Variants in ARB2A observed in about 807,000 individuals in gnomAD.
ARB2A encodes the protein cotranscriptional regulator ARB2A.
chr5:93,658,127 T>A, the ARB2A span, among the ~76,000 whole-genome samples: 2 of 152,104 alleles, frequency 1.3e-5, no homozygotes, highest in African/African-American at 4.8e-5. Context: ...AACTGTACTA[T>A]CAGCTTGTCT....
At chr5:93,629,296 CA>C in the ARB2A span, among the ~76,000 whole-genome samples, 1 of 151,752 alleles carries the variant, frequency 6.6e-6, no homozygotes, top group Non-Finnish European at 1.5e-5. Flanking sequence ...ATATTAACAT[CA>C]AAGATCACAT....
the ARB2A span, among the ~76,000 whole-genome samples, chr5:93,928,560 C>T: frequency 6.6e-6 from 1 of 152,102 alleles, no homozygotes; most frequent in African/African-American, 2.4e-5. Flanking sequence ...CCTTTTTTAT[C>T]TAAGCACAGG....
At chr5:93,802,755 T>G in the ARB2A span, among the ~76,000 whole-genome samples, 1 of 152,080 alleles carries the variant, frequency 6.6e-6, no homozygotes, top group Non-Finnish European at 1.5e-5. Flanking sequence ...AGATAGGTAT[T>G]TTGGCCATTT....
the ARB2A span, among the ~76,000 whole-genome samples, chr5:93,764,866 C>T: frequency 1.3e-5 from 2 of 152,314 alleles, no homozygotes; most frequent in African/African-American, 4.8e-5. Context: ...GGGCTTCATT[C>T]CTGGGATGCA....
chr5:93,632,647 G>A, the ARB2A span, among the ~76,000 whole-genome samples: 1 of 152,140 alleles, frequency 6.6e-6, no homozygotes, highest in Non-Finnish European at 1.5e-5. Flanking sequence ...GAGTGAGAAG[G>A]ATGAATTTAA....
the ARB2A span, among the ~76,000 whole-genome samples, chr5:93,810,304 C>T: frequency 1.3e-5 from 2 of 151,646 alleles, no homozygotes; most frequent in Non-Finnish European, 2.9e-5. Flanking sequence ...TGCAACCTTC[C>T]ATAGATTCCT....
chr5:93,913,392 C>T, the ARB2A span, among the ~76,000 whole-genome samples: 19 of 151,956 alleles, frequency 1.3e-4, no homozygotes, highest in East Asian at 2.7e-3. Flanking sequence ...ATATAACCTC[C>T]TACTTCTCTA....
At chr5:93,965,449 T>A in the ARB2A span, among the ~76,000 whole-genome samples, 1 of 151,988 alleles carries the variant, frequency 6.6e-6, no homozygotes, top group Non-Finnish European at 1.5e-5. Flanking sequence ...CCAGTGAAAC[T>A]CATATGGGAC....
At chr5:93,974,724 T>C in the ARB2A span, among the ~76,000 whole-genome samples, 1,552 of 152,136 alleles carry the variant, frequency 0.01, 14 homozygotes, top group Non-Finnish European at 0.014. Context: ...GGTAAATTTT[T>C]TGAAAAAACT....
At chr5:94,008,269 T>A in the ARB2A span, among the ~76,000 whole-genome samples, 1 of 152,182 alleles carries the variant, frequency 6.6e-6, no homozygotes, top group Non-Finnish European at 1.5e-5. Context: ...AGGATTAACA[T>A]GTTTAAGAAT....
chr5:94,005,182 T>C, the ARB2A span, among the ~76,000 whole-genome samples: 1 of 151,928 alleles, frequency 6.6e-6, no homozygotes, highest in African/African-American at 2.4e-5. Flanking sequence ...GACTCAAATT[T>C]TTTGCCACTC....
the ARB2A span, among the ~76,000 whole-genome samples, chr5:94,011,688 G>A: frequency 6.6e-6 from 1 of 152,006 alleles, no homozygotes; most frequent in East Asian, 1.9e-4. Flanking sequence ...TGGTGTGGGT[G>A]GAGTAGAAAA....
At chr5:93,850,379 G>T in the ARB2A span, among the ~76,000 whole-genome samples, 3 of 152,158 alleles carry the variant, frequency 2.0e-5, no homozygotes, top group African/African-American at 4.8e-5. Context: ...GCTGTGAGAA[G>T]TCATAAGCTT....
At chr5:93,947,644 C>T in the ARB2A span, among the ~76,000 whole-genome samples, 7 of 145,694 alleles carry the variant, frequency 4.8e-5, no homozygotes, top group Admixed American at 2.7e-4. Context: ...TTAGGTATAT[C>T]TCCTAATGCT....
At chr5:93,830,299 A>ATGTGTGTGTGTG in the ARB2A span, among the ~76,000 whole-genome samples, 1 of 39,660 alleles carries the variant, frequency 2.5e-5, no homozygotes, top group Non-Finnish European at 4.4e-5. Flanking sequence ...ATGTATATAT[A>ATGTGTGTGTGTG]TGTGTGTGTG....
At chr5:93,811,807 A>G in the ARB2A span, among the ~76,000 whole-genome samples, 3 of 152,190 alleles carry the variant, frequency 2.0e-5, no homozygotes, top group Non-Finnish European at 4.4e-5. Flanking sequence ...GATGCTGATG[A>G]TCAGCATAAG....
chr5:93,639,124 G>A, the ARB2A span, among the ~76,000 whole-genome samples: 1 of 151,994 alleles, frequency 6.6e-6, no homozygotes, highest in Non-Finnish European at 1.5e-5. Context: ...CGTAAAACTG[G>A]CATCAAGGTA....
At chr5:93,984,798 T>C in the ARB2A span, among the ~76,000 whole-genome samples, 4 of 152,186 alleles carry the variant, frequency 2.6e-5, no homozygotes, top group Non-Finnish European at 4.4e-5. Flanking sequence ...GAATAATGAA[T>C]GAATGAAAAA....
the ARB2A span, among the ~76,000 whole-genome samples, chr5:93,703,756 T>C: frequency 6.6e-6 from 1 of 152,200 alleles, no homozygotes; most frequent in Non-Finnish European, 1.5e-5. Flanking sequence ...GCCATTTCTT[T>C]CTTCCACTTG....
Sources: allele counts gnomAD v4.1 joint callset (sites outside exome capture counted in the v4.1 genomes callset), GRCh38; gene constraint gnomAD v4.1.1; transcripts MANE v1.5; gene names NCBI Gene and HGNC (gene_info 2026-07-23, HGNC 2026-07-21).